LHFPL4: variants seen among roughly 807,000 people sequenced by gnomAD.
LHFPL4 encodes LHFPL tetraspan subfamily member 4, also known as LHFPL tetraspan subfamily member 4 protein.
Under a neutral mutation model 20.0 loss-of-function variants are expected in LHFPL4, and 6 were observed. The observed-to-expected ratio is 0.30, with a 90% confidence interval of 0.16 to 0.59. LHFPL4 has a LOEUF of 0.59. Ranked by LOEUF, LHFPL4 falls within the 20% of genes least tolerant of loss-of-function variation. LHFPL4 has a pLI of 0.88. For missense variants in LHFPL4, 215 were observed against 331.2 expected, an observed-to-expected ratio of 0.65 and a Z score of 2.72; for synonymous variants, 129 against 143.8, an observed-to-expected ratio of 0.90 and a Z score of 0.74.
intron 2 of LHFPL4, among the ~76,000 whole-genome samples, chr3:9,543,365 G>T (rs2046489951): frequency 6.6e-6 from 1 of 152,084 alleles, no homozygotes; most frequent in Non-Finnish European, 1.5e-5. Context: ...GCTGGGCGTG[G>T]TGGCGGGCGC....
chr3:9,519,219 A>G (rs1471515977), intron 2 of LHFPL4, among the ~76,000 whole-genome samples: 1 of 151,988 alleles, frequency 6.6e-6, no homozygotes, highest in African/African-American at 2.4e-5. Flanking sequence ...GATTACAGGC[A>G]TGAGCCACCG....
intron 2 of LHFPL4, among the ~76,000 whole-genome samples, chr3:9,525,225 T>G (rs915106020): frequency 1.3e-5 from 2 of 152,164 alleles, no homozygotes; most frequent in Non-Finnish European, 2.9e-5. Context: ...TTGGTAGAGC[T>G]TCAGGAAGTA....
chr3:9,513,827 C>A (rs181488105), intron 2 of LHFPL4, among the ~76,000 whole-genome samples: 234 of 152,332 alleles, frequency 1.5e-3, no homozygotes, highest in African/African-American at 5.5e-3. Flanking sequence ...ACAAGGTAGA[C>A]TGAGTGGTCA....
chr3:9,532,939 G>A (rs1381303558), intron 2 of LHFPL4, among the ~76,000 whole-genome samples: 1 of 152,194 alleles, frequency 6.6e-6, no homozygotes, highest in African/African-American at 2.4e-5. Flanking sequence ...CTCAGTGGGG[G>A]CAGAAGATTC....
At chr3:9,514,562 A>G (rs1030209422) in intron 2 of LHFPL4, among the ~76,000 whole-genome samples, 19 of 152,282 alleles carry the variant, frequency 1.2e-4, no homozygotes, top group Admixed American at 3.9e-4. Flanking sequence ...TGTACGTTCT[A>G]TGAGTTTTGA....
intron 2 of LHFPL4, among the ~76,000 whole-genome samples, chr3:9,551,700 G>C (rs2648392): frequency 1 from 152,297 of 152,304 alleles, 76,145 homozygotes; most frequent in Middle Eastern, 1. Context: ...ATCTCAAACA[G>C]TGGATAAGCA....
intron 3 of LHFPL4, among the ~76,000 whole-genome samples, chr3:9,503,976 T>C (rs542862678): frequency 1.3e-5 from 2 of 151,916 alleles, no homozygotes; most frequent in Admixed American, 1.3e-4. Context: ...CAGTGAGCTA[T>C]GATTGCACCA....
At chr3:9,525,889 C>T (rs1334964832) in intron 2 of LHFPL4, among the ~76,000 whole-genome samples, 1 of 152,162 alleles carries the variant, frequency 6.6e-6, no homozygotes, top group East Asian at 1.9e-4. Flanking sequence ...AATGATGAGT[C>T]TGACCTAGCC....
chr3:9,532,191 A>G (rs2046413916), intron 2 of LHFPL4, among the ~76,000 whole-genome samples: 1 of 151,990 alleles, frequency 6.6e-6, no homozygotes, highest in African/African-American at 2.4e-5. Context: ...ACACCCAGCT[A>G]ATTTTCTAAA....
At chr3:9,534,241 G>T (rs1187748768) in intron 2 of LHFPL4, among the ~76,000 whole-genome samples, 2 of 151,948 alleles carry the variant, frequency 1.3e-5, no homozygotes, top group South Asian at 2.1e-4. Context: ...TAGGGGGGTT[G>T]CATACCATGA....
intron 2 of LHFPL4, among the ~76,000 whole-genome samples, chr3:9,539,827 A>G (rs1187179532): frequency 6.6e-6 from 1 of 152,050 alleles, no homozygotes; most frequent in African/African-American, 2.4e-5. Context: ...AAATATATAT[A>G]TAATATAACA....
At chr3:9,547,051 T>C (rs1305168797) in intron 2 of LHFPL4, among the ~76,000 whole-genome samples, 2 of 152,158 alleles carry the variant, frequency 1.3e-5, no homozygotes, top group Non-Finnish European at 2.9e-5. Flanking sequence ...TGCAGCGGCA[T>C]GATCATGGCT....
At chr3:9,518,748 T>G (rs2046319174) in intron 2 of LHFPL4, among the ~76,000 whole-genome samples, 1 of 150,798 alleles carries the variant, frequency 6.6e-6, no homozygotes, top group Admixed American at 6.6e-5. Context: ...TGTAGTGATG[T>G]TTTTTTGTTC....
At chr3:9,542,508 A>G (rs2046483280) in intron 2 of LHFPL4, among the ~76,000 whole-genome samples, 1 of 152,102 alleles carries the variant, frequency 6.6e-6, no homozygotes. Context: ...AAAGTCAGTC[A>G]CAAAAGACTA....
At chr3:9,519,769 T>A (rs2648601) in intron 2 of LHFPL4, among the ~76,000 whole-genome samples, 1 of 151,780 alleles carries the variant, frequency 6.6e-6, no homozygotes, top group Non-Finnish European at 1.5e-5. Context: ...GCCCAGGTTG[T>A]TCTCAATTCC....
chr3:9,542,220 AG>A (rs1283855428), intron 2 of LHFPL4, among the ~76,000 whole-genome samples: 1 of 152,048 alleles, frequency 6.6e-6, no homozygotes, highest in Admixed American at 6.5e-5. Context: ...CAGGTGGTGG[AG>A]CTTACAGTGA....
intron 2 of LHFPL4, among the ~76,000 whole-genome samples, chr3:9,511,010 G>C (rs2046255937): frequency 6.6e-6 from 1 of 151,844 alleles, no homozygotes; most frequent in South Asian, 2.1e-4. Context: ...CTATGTGCCA[G>C]AGTGCTAAGT....
rs550270568 is a variant in LHFPL4 at position 9,501,394 on chromosome 3, G to A, written c.*817C>T. 1.9e-4 allele frequency: 29 copies of A among 153,454 alleles called. No homozygotes were observed. The highest frequency in any genetic ancestry group is 5.2e-4 in the Admixed American group (8 of 15,316). The allele number at this position is 153,454 out of a possible 1,614,324, so 9.5% of individuals were successfully genotyped here. On this transcript the variant is annotated 3_prime_UTR_variant, in exon 4 of 4. Coordinates refer to ENST00000287585, the MANE Select transcript of LHFPL4 (RefSeq NM_198560.3). ...GGTGAGACATCCCAGCAGAGAGGAG[G>A]CCTGGGCAAAAGAGGCCAAGGTCAA...
intron 2 of LHFPL4, among the ~76,000 whole-genome samples, chr3:9,512,934 C>G (rs2046270597): frequency 6.6e-6 from 1 of 151,924 alleles, no homozygotes; most frequent in East Asian, 1.9e-4. Flanking sequence ...CTGCCTCACT[C>G]TAGGACATTT....
Sources: gnomAD v4.1 joint callset for allele counts (sites outside exome capture counted in the v4.1 genomes callset) on GRCh38, gnomAD v4.1.1 for gene constraint, MANE v1.5 for transcripts, NCBI Gene and HGNC (gene_info 2026-07-23, HGNC 2026-07-21) for gene names.